ITK: variants seen among roughly 807,000 people sequenced by gnomAD.
The protein encoded by ITK is IL2 inducible T cell kinase.
ITK carries 45 observed loss-of-function variants against 87.6 expected under a neutral mutation model. The observed-to-expected ratio is 0.51, with a 90% confidence interval of 0.40 to 0.66. ITK has a LOEUF of 0.66. ITK is among the 30% of genes least tolerant of loss of function. The probability of loss-of-function intolerance (pLI) is 0.00; values close to 1 mark genes in which losing one functional copy is unlikely to be tolerated. For missense variants in ITK, 605 were observed against 766.3 expected, an observed-to-expected ratio of 0.79 and a Z score of 2.48; for synonymous variants, 303 against 273.6, an observed-to-expected ratio of 1.11 and a Z score of -1.06.
At chr5:157,223,403 T>C (rs1049157873) in intron 6 of ITK, among the ~76,000 whole-genome samples, 7 of 151,798 alleles carry the variant, frequency 4.6e-5, no homozygotes, top group Admixed American at 2.6e-4. Context: ...TTATTTTTGG[T>C]GAAAAGAAAA....
chr5:157,222,329 T>A (rs1754436567), intron 5 of ITK, among the ~76,000 whole-genome samples: 1 of 151,932 alleles, frequency 6.6e-6, no homozygotes. Flanking sequence ...GGGAGACAGG[T>A]GCTAGAGTAG....
chr5:157,206,806 C>A (rs964113794), intron 1 of ITK, among the ~76,000 whole-genome samples: 1 of 152,020 alleles, frequency 6.6e-6, no homozygotes, highest in African/African-American at 2.4e-5. Flanking sequence ...AGTGGCCTAT[C>A]TATCCTATTA....
At chr5:157,209,927 A>ATT (rs34236243) in intron 2 of ITK, among the ~76,000 whole-genome samples, 5,195 of 144,382 alleles carry the variant, frequency 0.036, 118 homozygotes, top group African/African-American at 0.064. Flanking sequence ...CACTGCAGAA[A>ATT]TTTTTTTTTT....
chr5:157,208,332 G>A (rs1319662349), intron 1 of ITK, among the ~76,000 whole-genome samples: 2 of 152,160 alleles, frequency 1.3e-5, no homozygotes, highest in African/African-American at 2.4e-5. Context: ...AGTATTTGAT[G>A]GGGAGGTTGG....
intron 1 of ITK, among the ~76,000 whole-genome samples, chr5:157,183,518 T>A (rs1171148970): frequency 6.6e-6 from 1 of 152,254 alleles, no homozygotes; most frequent in Non-Finnish European, 1.5e-5. Flanking sequence ...CCCTGTCATC[T>A]GGTAAGCATC....
intron 5 of ITK, 120 bp downstream of exon 5, chr5:157,218,027 G>A (rs1754335135): frequency 2.2e-6 from 2 of 918,958 alleles, no homozygotes; most frequent in African/African-American, 1.6e-5. Context: ...GCAGCAGGCT[G>A]TCATGATTCA....
chr5:157,226,271 A>T (rs1016193742), intron 6 of ITK, among the ~76,000 whole-genome samples: 1 of 152,230 alleles, frequency 6.6e-6, no homozygotes, highest in African/African-American at 2.4e-5. Flanking sequence ...TCAATGAGAT[A>T]ATGGAAGTGA....
At chr5:157,210,954 T>C (rs1754179737) in intron 2 of ITK, among the ~76,000 whole-genome samples, 1 of 152,036 alleles carries the variant, frequency 6.6e-6, no homozygotes. Flanking sequence ...ATCTTTCTCT[T>C]CCATGTGCCA....
intron 9 of ITK, among the ~76,000 whole-genome samples, chr5:157,238,556 G>A (rs768073564): frequency 2.0e-5 from 3 of 152,196 alleles, no homozygotes; most frequent in Admixed American, 6.5e-5. Flanking sequence ...TTCTGGCTCT[G>A]CTCATAAAAC....
In ITK at chr5:157,246,141, G is replaced by T. The variant is rs890285778; in HGVS notation, c.1633+142G>T. ...CCCACTGGAGGGTTGTGTAAGAAAG[G>T]CCCCGAAAACTATGAAAGGGCCTTC... On this transcript the variant is annotated intron_variant, in intron 15 of 16. Transcript: ENST00000422843. 19 of 747,344 alleles carry T rather than the reference G, an allele frequency of 2.5e-5. No homozygotes were observed. The Admixed American group carries it at 3.5e-4, about 14-fold the overall frequency. The allele number at this position is 747,344 out of a possible 1,614,324, so 46.3% of individuals were successfully genotyped here. A position where few individuals can be genotyped will look rare whatever the true frequency, so the allele number is the denominator to read the frequency against.
At position 157,253,021 on chromosome 5, in the gene ITK, C is replaced by A. The variant is rs886877572; in HGVS notation, c.*343C>A. 1.0e-5 allele frequency: 4 copies of A among 393,020 alleles called. No homozygotes were observed. Among genetic ancestry groups the A allele is most frequent in the Non-Finnish European group, 1.9e-5 (4 of 208,994 alleles). 24.3% of individuals were successfully genotyped at this position (393,020 alleles called of 1,614,324 possible). Reference sequence around the variant, plus strand: ...GCAACAGAGAGAGACATGAGTAAGACCCAGATTGCTATTTTTATTGTTATT... The same window carrying A: ...GCAACAGAGAGAGACATGAGTAAGAACCAGATTGCTATTTTTATTGTTATT... On this transcript the variant is annotated 3_prime_UTR_variant, in exon 17 of 17. Transcript: ENST00000422843.
chr5:157,247,699 T>A, intron 15 of ITK, among the ~76,000 whole-genome samples: 1 of 152,134 alleles, frequency 6.6e-6, no homozygotes, highest in Non-Finnish European at 1.5e-5. Context: ...GTGAAAAAAC[T>A]GGGGGTACCA....
intron 1 of ITK, among the ~76,000 whole-genome samples, chr5:157,185,416 T>A (rs1753621669): frequency 1.3e-5 from 2 of 151,946 alleles, no homozygotes; most frequent in South Asian, 4.1e-4. Context: ...TTTTTGTATT[T>A]TTTTTTAGTA....
At chr5:157,210,393 T>C (rs1260909530) in intron 2 of ITK, among the ~76,000 whole-genome samples, 7 of 152,076 alleles carry the variant, frequency 4.6e-5, no homozygotes, top group Admixed American at 6.5e-5. Flanking sequence ...GTTGGAATTT[T>C]GAGGACTGAA....
At chr5:157,234,207 C>T (rs1014223764) in intron 8 of ITK, among the ~76,000 whole-genome samples, 4 of 151,852 alleles carry the variant, frequency 2.6e-5, no homozygotes, top group Middle Eastern at 3.4e-3. Flanking sequence ...TCTCAAAACT[C>T]CTGACCTCAG....
intron 1 of ITK, among the ~76,000 whole-genome samples, chr5:157,198,737 A>G (rs1330234097): frequency 6.6e-6 from 1 of 152,154 alleles, no homozygotes; most frequent in East Asian, 1.9e-4. Context: ...TTTTCCATAG[A>G]GACAGTAATG....
At chr5:157,199,355 C>T (rs960020869) in intron 1 of ITK, 31 of 152,096 alleles carry the variant, frequency 2.0e-4, no homozygotes, top group African/African-American at 5.3e-4. Context: ...AACTTCTCAT[C>T]GACACATTTG....
intron 1 of ITK, among the ~76,000 whole-genome samples, chr5:157,203,551 A>G (rs1385639281): frequency 3.9e-5 from 6 of 152,194 alleles, no homozygotes; most frequent in African/African-American, 1.4e-4. Context: ...TGCATGCCCT[A>G]AAGAAAGAAC....
Position 157,191,091 on chromosome 5 carries a change from C to T in ITK, c.138+9976C>T, listed in dbSNP as rs145448463. On this transcript the variant is annotated intron_variant, in intron 1 of 16. Coordinates refer to ENST00000422843, the MANE Select transcript of ITK (RefSeq NM_005546.4). ...GGCCATTGTGTAGTGTCCCATCCTA[C>T]GAGTTGTTCTTCAGTTGTCTTATGT... is the stretch of plus-strand genomic sequence containing the variant. Among the ~76,000 whole-genome samples, 454 of 152,144 alleles carry T rather than the reference C, an allele frequency of 3.0e-3. 2 individuals are homozygous for T. Among genetic ancestry groups the T allele is most frequent in the African/African-American group, 6.2e-3 (257 of 41,502 alleles).
Sources: gnomAD v4.1 joint callset for allele counts (sites outside exome capture counted in the v4.1 genomes callset) on GRCh38, gnomAD v4.1.1 for gene constraint, MANE v1.5 for transcripts, NCBI Gene and HGNC (gene_info 2026-07-23, HGNC 2026-07-21) for gene names.